The following NALF1 variants were observed in gnomAD, a reference collection of about 807,000 sequenced individuals.
NALF1 encodes the protein family with sequence similarity 155 member A.
In NALF1, 3 loss-of-function variants were observed where a neutral mutation model predicts 48.4. That is an observed-to-expected ratio of 0.06 (90% CI 0.03 to 0.16). The LOEUF (loss-of-function observed/expected upper bound fraction) is 0.16, where lower values mean the gene tolerates loss of function less well. Ranked by LOEUF, NALF1 falls within the 10% of genes least tolerant of loss-of-function variation. NALF1 has a pLI of 1.00. For missense variants in NALF1, 526 were observed against 571.5 expected, an observed-to-expected ratio of 0.92 and a Z score of 0.81; for synonymous variants, 262 against 245.7, an observed-to-expected ratio of 1.07 and a Z score of -0.62.
intron 1 of NALF1, among the ~76,000 whole-genome samples, chr13:107,661,163 A>C (rs1459649795): frequency 2.0e-5 from 3 of 152,166 alleles, no homozygotes; most frequent in Non-Finnish European, 4.4e-5. Context: ...CGCATTCCTC[A>C]TCAGAGGAAA....
intron 1 of NALF1, among the ~76,000 whole-genome samples, chr13:107,420,167 C>T (rs1323672): frequency 0.21 from 31,629 of 151,980 alleles, 3,616 homozygotes; most frequent in Middle Eastern, 0.27. Flanking sequence ...CATTTTGAAT[C>T]GGTGCTACTT....
At chr13:107,425,784 A>G (rs149419425) in intron 1 of NALF1, among the ~76,000 whole-genome samples, 44 of 152,196 alleles carry the variant, frequency 2.9e-4, no homozygotes, top group Non-Finnish European at 5.6e-4. Flanking sequence ...CCTCTGTAGT[A>G]TGGTGTTGAG....
At chr13:107,273,940 A>G (rs578197388) in intron 1 of NALF1, among the ~76,000 whole-genome samples, 1 of 152,298 alleles carries the variant, frequency 6.6e-6, no homozygotes, top group African/African-American at 2.4e-5. Flanking sequence ...AGGAATCGTC[A>G]TGCTCATGAG....
At chr13:107,776,495 T>C (rs531210192) in intron 1 of NALF1, among the ~76,000 whole-genome samples, 160 of 152,282 alleles carry the variant, frequency 1.1e-3, no homozygotes, top group African/African-American at 3.7e-3. Context: ...GACAACGCGG[T>C]GAACACTATC....
intron 1 of NALF1, among the ~76,000 whole-genome samples, chr13:107,420,633 A>C (rs1223094603): frequency 6.6e-6 from 1 of 152,196 alleles, no homozygotes; most frequent in East Asian, 1.9e-4. Flanking sequence ...AGGATTTCTA[A>C]TTTAATTCAT....
chr13:107,239,848 C>T (rs560849932), intron 1 of NALF1, among the ~76,000 whole-genome samples: 2 of 152,248 alleles, frequency 1.3e-5, no homozygotes, highest in Admixed American at 6.5e-5. Flanking sequence ...AACAGCAGCA[C>T]AGCCTTTGGG....
chr13:107,769,962 G>A (rs1390165087), intron 1 of NALF1, among the ~76,000 whole-genome samples: 2 of 152,176 alleles, frequency 1.3e-5, no homozygotes, highest in South Asian at 2.1e-4. Context: ...ACCCAGGCTA[G>A]AGTGCAGTGG....
intron 1 of NALF1, among the ~76,000 whole-genome samples, chr13:107,281,320 T>C (rs1289959244): frequency 6.6e-6 from 1 of 152,128 alleles, no homozygotes; most frequent in African/African-American, 2.4e-5. Context: ...CTTGAAATAA[T>C]GAGGTATTTT....
intron 1 of NALF1, among the ~76,000 whole-genome samples, chr13:107,643,359 G>C (rs912607482): frequency 6.6e-6 from 1 of 152,130 alleles, no homozygotes; most frequent in Non-Finnish European, 1.5e-5. Context: ...ATGTGTCAGC[G>C]AGGAGGGCTA....
intron 1 of NALF1, among the ~76,000 whole-genome samples, chr13:107,330,650 C>T (rs1364424957): frequency 6.6e-6 from 1 of 152,168 alleles, no homozygotes; most frequent in Non-Finnish European, 1.5e-5. Flanking sequence ...TGCATTTTTG[C>T]AAGCCGCGGG....
chr13:107,745,563 C>T (rs990491355), intron 1 of NALF1, among the ~76,000 whole-genome samples: 2 of 152,218 alleles, frequency 1.3e-5, no homozygotes, highest in African/African-American at 4.8e-5. Context: ...TTTACAGTGA[C>T]CTACGTTTAT....
intron 1 of NALF1, among the ~76,000 whole-genome samples, chr13:107,228,318 T>C (rs1408519585): frequency 6.6e-6 from 1 of 152,146 alleles, no homozygotes; most frequent in Non-Finnish European, 1.5e-5. Flanking sequence ...TTTTGAATAA[T>C]GTTAGACAAT....
chr13:107,501,831 A>G (rs1363487237), intron 1 of NALF1, among the ~76,000 whole-genome samples: 1 of 152,212 alleles, frequency 6.6e-6, no homozygotes, highest in African/African-American at 2.4e-5. Flanking sequence ...CAATTTATTT[A>G]TCCAACTGAA....
At position 107,239,104 on chromosome 13, in the gene NALF1, T is replaced by C. The variant is rs56018135; in HGVS notation, c.916-28349A>G. Among the ~76,000 whole-genome samples the C allele has an allele frequency of 1.1e-3, 162 of 152,262 alleles. 1 individual carries two copies. Among genetic ancestry groups the C allele is most frequent in the African/African-American group, 3.8e-3 (156 of 41,556 alleles). ...AATTAACACAGGACAAAGTGATTGA[T>C]TGAATGTGAAAGATGAAGAAAAAAA... is the stretch of plus-strand genomic sequence containing the variant. On this transcript the variant is annotated intron_variant, in intron 1 of 2. Coordinates refer to ENST00000375915, the MANE Select transcript of NALF1 (RefSeq NM_001080396.3).
At chr13:107,669,111 T>C (rs1481319886) in intron 1 of NALF1, among the ~76,000 whole-genome samples, 2 of 152,086 alleles carry the variant, frequency 1.3e-5, no homozygotes, top group African/African-American at 4.8e-5. Flanking sequence ...AATCAACATT[T>C]TGCTGATAAT....
intron 1 of NALF1, among the ~76,000 whole-genome samples, chr13:107,230,971 G>T (rs1025963658): frequency 6.7e-6 from 1 of 149,032 alleles, no homozygotes; most frequent in East Asian, 2.0e-4. Context: ...GAGGTGGGAG[G>T]ATTGCTTGAG....
At chr13:107,527,620 G>A (rs752134627) in intron 1 of NALF1, among the ~76,000 whole-genome samples, 1 of 152,098 alleles carries the variant, frequency 6.6e-6, no homozygotes, top group Non-Finnish European at 1.5e-5. Flanking sequence ...ATATTGAATT[G>A]TAGCTCCCAC....
chr13:107,828,879 C>T (rs540225661), intron 1 of NALF1, among the ~76,000 whole-genome samples: 4 of 152,216 alleles, frequency 2.6e-5, no homozygotes, highest in Non-Finnish European at 5.9e-5. Flanking sequence ...CTTGGGGGGA[C>T]AGTACCAATT....
chr13:107,275,656 A>G (rs1034206199), intron 1 of NALF1, among the ~76,000 whole-genome samples: 18 of 152,134 alleles, frequency 1.2e-4, no homozygotes, highest in African/African-American at 3.4e-4. Context: ...CAGGTAAAAC[A>G]TAGATTAAAT....
Sources: gnomAD v4.1 joint callset for allele counts (sites outside exome capture counted in the v4.1 genomes callset) on GRCh38, gnomAD v4.1.1 for gene constraint, MANE v1.5 for transcripts, NCBI Gene and HGNC (gene_info 2026-07-23, HGNC 2026-07-21) for gene names.